Variants in NXPE1 observed in about 807,000 individuals in gnomAD.
NXPE1 encodes the protein neurexophilin and PC-esterase domain family member 1, also known as NXPE family member 1.
In NXPE1, 31 loss-of-function variants were observed where a neutral mutation model predicts 33.3. The ratio of observed to expected loss-of-function variants is 0.93; its 90% CI spans 0.70 to 1.26. NXPE1 has a LOEUF of 1.26. Among genes scored for constraint, NXPE1 ranks in the 50% most tolerant of loss-of-function variants. NXPE1 has a pLI of 0.00. For missense variants in NXPE1, 661 were observed against 655.6 expected (o/e 1.01, Z -0.09); for synonymous variants, 229 against 231.4 (o/e 0.99, Z 0.09).
intron 8 of NXPE1, 117 bp from the exon 9 acceptor site, chr11:114,522,620 T>C: frequency 1.1e-6 from 1 of 877,150 alleles, no homozygotes; most frequent in South Asian, 1.8e-5. Flanking sequence ...CTGGAGCCTT[T>C]CTACTCTCTA....
At position 114,530,867 on chromosome 11, in the gene NXPE1, C is replaced by T; in HGVS notation, c.141G>A (p.Trp47Ter). Residue 47 changes from tryptophan to a stop codon, truncating the protein, a stop_gained, in exon 6 of 9, where the codon TGG (tryptophan) becomes TGA (stop). Coordinates refer to ENST00000534921, the Ensembl canonical transcript of NXPE1. LOFTEE classifies it high-confidence loss of function. ...GGAATAAGGACTTTGCGGAGTTGTT[C>T]CAGTAATGGACAGAGATGGATAAGT... The T allele has an allele frequency of 6.2e-7, 1 of 1,613,258 alleles. No homozygotes were observed. The highest frequency in any genetic ancestry group is 2.2e-5 in the East Asian group (1 of 44,858).
chr11:114,556,334 T>C (rs1170161319), intron 1 of NXPE1, among the ~76,000 whole-genome samples: 1 of 152,232 alleles, frequency 6.6e-6, no homozygotes, highest in Admixed American at 6.5e-5. Flanking sequence ...ATTAAATCTC[T>C]ACTTATTCAG....
intron 5 of NXPE1, among the ~76,000 whole-genome samples, chr11:114,533,620 A>G (rs10891693): frequency 0.23 from 34,616 of 152,190 alleles, 5,560 homozygotes; most frequent in African/African-American, 0.45. Flanking sequence ...CTTCACAAAC[A>G]GCACACCAGG....
At chr11:114,553,410 C>T (rs1485670427) in intron 1 of NXPE1, among the ~76,000 whole-genome samples, 4 of 152,086 alleles carry the variant, frequency 2.6e-5, no homozygotes, top group African/African-American at 9.7e-5. Flanking sequence ...GGTTCATATC[C>T]CTGGTCTGAT....
intron 5 of NXPE1, among the ~76,000 whole-genome samples, chr11:114,539,920 T>C (rs1215464994): frequency 1.3e-5 from 2 of 152,110 alleles, no homozygotes; most frequent in Non-Finnish European, 2.9e-5. Flanking sequence ...AAGATTCCTA[T>C]CACACACTAC....
At chr11:114,528,233 T>C (rs553071096) in intron 6 of NXPE1, among the ~76,000 whole-genome samples, 19 of 152,196 alleles carry the variant, frequency 1.2e-4, no homozygotes, top group Non-Finnish European at 2.2e-4. Context: ...GTTTGCAGAA[T>C]AGTTTCCTTG....
At chr11:114,554,319 C>A (rs770742419) in intron 1 of NXPE1, 25 of 984,852 alleles carry the variant, frequency 2.5e-5, no homozygotes, top group Non-Finnish European at 3.0e-5. Context: ...CATACCTCCT[C>A]CAGGTTCTCT....
intron 5 of NXPE1, among the ~76,000 whole-genome samples, chr11:114,545,647 G>A (rs1444527705): frequency 6.6e-6 from 1 of 151,946 alleles, no homozygotes; most frequent in Non-Finnish European, 1.5e-5. Flanking sequence ...GTGTATACAT[G>A]AAACTGCAAA....
At chr11:114,557,860 G>A (rs2135145400) in intron 1 of NXPE1, among the ~76,000 whole-genome samples, 1 of 151,756 alleles carries the variant, frequency 6.6e-6, no homozygotes, top group East Asian at 1.9e-4. Flanking sequence ...CTTTCATTTT[G>A]AGGGTTTCTT....
At chr11:114,539,465 T>C (rs1947998694) in intron 5 of NXPE1, among the ~76,000 whole-genome samples, 1 of 152,196 alleles carries the variant, frequency 6.6e-6, no homozygotes, top group African/African-American at 2.4e-5. Context: ...GAGGAAGCTC[T>C]GTCCTTAATG....
At chr11:114,524,289 A>G (rs924554520) in intron 7 of NXPE1, among the ~76,000 whole-genome samples, 1 of 152,146 alleles carries the variant, frequency 6.6e-6, no homozygotes, top group African/African-American at 2.4e-5. Context: ...TTCTATTACT[A>G]AAGAAGGAGA....
At chr11:114,530,026 G>T in intron 6 of NXPE1, 149 bp downstream of exon 6, 2 of 744,304 alleles carry the variant, frequency 2.7e-6, no homozygotes, top group East Asian at 5.1e-5. Context: ...GGCCTAGAGT[G>T]GTGAGTAGAG....
chr11:114,548,555 A>G (rs187272406), intron 5 of NXPE1, among the ~76,000 whole-genome samples: 1 of 152,212 alleles, frequency 6.6e-6, no homozygotes, highest in Admixed American at 6.5e-5. Context: ...AAATGTTTCT[A>G]AACAACTCGT....
intron 5 of NXPE1, among the ~76,000 whole-genome samples, chr11:114,538,003 G>A (rs1163061498): frequency 6.6e-6 from 1 of 152,164 alleles, no homozygotes; most frequent in Non-Finnish European, 1.5e-5. Flanking sequence ...AAAGCTGGAG[G>A]CATCCCGCTA....
intron 5 of NXPE1, among the ~76,000 whole-genome samples, chr11:114,547,151 A>T (rs1948309989): frequency 6.6e-6 from 1 of 152,140 alleles, no homozygotes; most frequent in African/African-American, 2.4e-5. Flanking sequence ...GGCAGAAGGA[A>T]GAGTAATCTT....
intron 5 of NXPE1, 55 bp from the exon 6 acceptor site, chr11:114,530,963 A>G (rs1271065042): frequency 1.4e-6 from 2 of 1,469,702 alleles, no homozygotes; most frequent in Non-Finnish European, 1.8e-6. Flanking sequence ...AATCATTTTT[A>G]CTTATTATGA....
chr11:114,525,850 C>A (rs550620235), intron 7 of NXPE1, among the ~76,000 whole-genome samples: 3 of 152,310 alleles, frequency 2.0e-5, no homozygotes, highest in Admixed American at 2.0e-4. Context: ...CGGGGCTCAG[C>A]CTTTGGAAGT....
At chr11:114,551,658 T>C (rs755412766) in intron 3 of NXPE1, among the ~76,000 whole-genome samples, 1 of 152,184 alleles carries the variant, frequency 6.6e-6, no homozygotes, top group Non-Finnish European at 1.5e-5. Context: ...TCCTGTTAAC[T>C]GGGCAGGGAG....
At chr11:114,555,731 A>G (rs931630545) in intron 1 of NXPE1, among the ~76,000 whole-genome samples, 2 of 152,204 alleles carry the variant, frequency 1.3e-5, no homozygotes, top group African/African-American at 4.8e-5. Context: ...TTTTGGCACT[A>G]CAGATGAGAT....
Sources: gnomAD v4.1 joint callset for allele counts (sites outside exome capture counted in the v4.1 genomes callset) on GRCh38, gnomAD v4.1.1 for gene constraint, MANE v1.5 for transcripts, NCBI Gene and HGNC (gene_info 2026-07-23, HGNC 2026-07-21) for gene names.